Variants in BRINP3 observed in about 807,000 individuals in gnomAD.
BRINP3 encodes BMP/retinoic acid inducible neural specific 3, also known as BMP/retinoic acid-inducible neural-specific protein 3.
Under a neutral mutation model 71.0 loss-of-function variants are expected in BRINP3, and 19 were observed. The observed-to-expected ratio is 0.27, with a 90% CI of 0.19 to 0.39. BRINP3 has a LOEUF of 0.39. Among genes scored for constraint, BRINP3 ranks in the 10% least tolerant of loss-of-function variants. BRINP3 has a pLI of 1.00. For missense variants in BRINP3, 959 were observed against 940.8 expected, an observed-to-expected ratio of 1.02 and a Z score of -0.25; for synonymous variants, 380 against 337.7, an observed-to-expected ratio of 1.13 and a Z score of -1.37.
intron 4 of BRINP3, among the ~76,000 whole-genome samples, chr1:190,238,226 C>T (rs1658711583): frequency 6.6e-6 from 1 of 152,002 alleles, no homozygotes; most frequent in African/African-American, 2.4e-5. Context: ...AGAAACTATA[C>T]TAGAGAACAA....
chr1:190,312,380 A>C (rs1425911713), intron 2 of BRINP3, among the ~76,000 whole-genome samples: 2 of 151,556 alleles, frequency 1.3e-5, no homozygotes, highest in African/African-American at 4.8e-5. Context: ...TTCTAACAAT[A>C]TATTTATGAT....
chr1:190,351,994 C>A (rs1053657231), intron 2 of BRINP3, among the ~76,000 whole-genome samples: 4 of 151,830 alleles, frequency 2.6e-5, no homozygotes, highest in East Asian at 1.9e-4. Flanking sequence ...AGAAAAAATT[C>A]TTTATTTTTA....
chr1:190,138,960 C>T (rs923768381), intron 7 of BRINP3, among the ~76,000 whole-genome samples: 1 of 152,034 alleles, frequency 6.6e-6, no homozygotes, highest in East Asian at 1.9e-4. Flanking sequence ...CTTAGAAAAT[C>T]CATGCTGGGT....
Position 190,395,531 on chromosome 1 carries a change from C to T in BRINP3, c.236+59124G>A, listed in dbSNP as rs185854612. Among the ~76,000 whole-genome samples, 3 of 151,746 alleles carry T rather than the reference C, an allele frequency of 2.0e-5. No individual in the cohort carries two copies. In the East Asian group the frequency reaches 5.8e-4, roughly 29 times the overall value. On this transcript the variant is annotated intron_variant, in intron 2 of 7. Transcript: ENST00000367462. ...TTTGAACCCAGTAAATAACAAATAT[C>T]TGTCAAATTAACACAAGAAATATTG...
intron 1 of BRINP3, among the ~76,000 whole-genome samples, chr1:190,459,629 A>G (rs918907132): frequency 6.6e-6 from 1 of 152,026 alleles, no homozygotes; most frequent in African/African-American, 2.4e-5. Flanking sequence ...GTCCAGTGAT[A>G]ATTATTACTA....
chr1:190,358,418 T>C (rs1187912624), intron 2 of BRINP3, among the ~76,000 whole-genome samples: 1 of 151,902 alleles, frequency 6.6e-6, no homozygotes, highest in Middle Eastern at 3.4e-3. Context: ...AAAATGCTCA[T>C]CAACACTGGC....
intron 7 of BRINP3, among the ~76,000 whole-genome samples, chr1:190,127,720 C>G (rs1157281757): frequency 6.6e-6 from 1 of 151,952 alleles, no homozygotes; most frequent in Admixed American, 6.6e-5. Context: ...GTTTGTATTT[C>G]CTGCCCTAGC....
rs527770000 is a variant in BRINP3 at position 190,454,858 on chromosome 1, C to A, written c.33G>T (p.Leu11Phe). The change falls in exon 2 of 8, where the codon TTG (leucine) becomes TTT (phenylalanine). Residue 11 changes from leucine (L) to phenylalanine (F), a missense_variant. By Grantham distance (22) the Leu-to-Phe change is conservative (BLOSUM62 0). Transcript: ENST00000367462. ...ACTCCCATAGAGCCATCAGAGAGAACAATTCAGCACCAGCTCTGCTTCGCC... is the reference window on the plus strand; with the variant it reads ...ACTCCCATAGAGCCATCAGAGAGAAAAATTCAGCACCAGCTCTGCTTCGCC... The part of the protein sequence containing the change: MIWRSRAGAE[L>F]FSLMALWEWI... The A allele has an allele frequency of 1.2e-5, 20 of 1,614,156 alleles. No homozygotes were observed. Among genetic ancestry groups the A allele is most frequent in the African/African-American group, 2.7e-5 (2 of 75,040 alleles).
intron 2 of BRINP3, among the ~76,000 whole-genome samples, chr1:190,381,759 T>G (rs762245406): frequency 1.4e-4 from 21 of 152,184 alleles, no homozygotes; most frequent in African/African-American, 4.8e-4. Context: ...TAGGCCAATT[T>G]CATTTAACAC....
At chr1:190,416,348 T>C (rs971081816) in intron 2 of BRINP3, among the ~76,000 whole-genome samples, 4 of 152,074 alleles carry the variant, frequency 2.6e-5, no homozygotes, top group Non-Finnish European at 5.9e-5. Flanking sequence ...ATCCACTAGA[T>C]GGTAATAGTG....
intron 2 of BRINP3, among the ~76,000 whole-genome samples, chr1:190,388,770 GTTAA>G (rs1450922119): frequency 6.6e-6 from 1 of 151,828 alleles, no homozygotes; most frequent in Non-Finnish European, 1.5e-5. Flanking sequence ...TGACTGAGTG[GTTAA>G]TTGTCAGAAT....
chr1:190,108,483 T>C (rs1302029465), intron 7 of BRINP3, among the ~76,000 whole-genome samples: 1 of 151,636 alleles, frequency 6.6e-6, no homozygotes, highest in African/African-American at 2.4e-5. Flanking sequence ...TGACTTTGCT[T>C]TTCAGGGAGA....
At chr1:190,137,721 G>T (rs1240719729) in intron 7 of BRINP3, among the ~76,000 whole-genome samples, 1 of 152,096 alleles carries the variant, frequency 6.6e-6, no homozygotes, top group Non-Finnish European at 1.5e-5. Context: ...AGTAATATTG[G>T]AGTGAAAGCC....
intron 2 of BRINP3, among the ~76,000 whole-genome samples, chr1:190,373,346 C>T (rs986468756): frequency 3.3e-5 from 5 of 151,510 alleles, no homozygotes; most frequent in African/African-American, 7.3e-5. Flanking sequence ...GCCGAGATAG[C>T]GCCATTTCAC....
At chr1:190,370,012 A>G (rs1360445596) in intron 2 of BRINP3, among the ~76,000 whole-genome samples, 1 of 152,124 alleles carries the variant, frequency 6.6e-6, no homozygotes, top group South Asian at 2.1e-4. Context: ...TTCTAGTATC[A>G]TACTCCTCAG....
chr1:190,325,788 A>G (rs1179018580), intron 2 of BRINP3, among the ~76,000 whole-genome samples: 1 of 152,136 alleles, frequency 6.6e-6, no homozygotes, highest in Admixed American at 6.6e-5. Context: ...AAATATTTTT[A>G]TCATTTCTGC....
At chr1:190,453,203 ATTTTTTTTTTTTTTTTTTTTTT>A (rs1190785225) in intron 2 of BRINP3, among the ~76,000 whole-genome samples, 1 of 40,890 alleles carries the variant, frequency 2.4e-5, no homozygotes, top group Non-Finnish European at 4.2e-5. Context: ...AAACTTTAGT[ATTTTTTTTTTTTTTTTTTTTTT>A]TTTTTTTTTT....
chr1:190,347,503 T>C (rs1241140813), intron 2 of BRINP3, among the ~76,000 whole-genome samples: 1 of 152,152 alleles, frequency 6.6e-6, no homozygotes, highest in East Asian at 1.9e-4. Context: ...CCGAGGAGGA[T>C]TGAGACTTTA....
At chr1:190,271,595 A>T (rs1024738504) in intron 3 of BRINP3, among the ~76,000 whole-genome samples, 5 of 151,536 alleles carry the variant, frequency 3.3e-5, no homozygotes, top group African/African-American at 1.2e-4. Flanking sequence ...TGGCCTTTCT[A>T]CTTTTACAAA....
Sources: allele counts gnomAD v4.1 joint callset (sites outside exome capture counted in the v4.1 genomes callset), GRCh38; gene constraint gnomAD v4.1.1; transcripts MANE v1.5; gene names NCBI Gene and HGNC (gene_info 2026-07-23, HGNC 2026-07-21).